Variants in CD247 observed in about 807,000 individuals in gnomAD.
CD247 encodes CD247 molecule.
Under a neutral mutation model 30.0 loss-of-function variants are expected in CD247, and 13 were observed. The observed-to-expected ratio is 0.43, with a 90% CI of 0.28 to 0.69. The LOEUF is 0.69. CD247 is among the 30% of genes least tolerant of loss of function. The pLI is 0.16. For synonymous variants in CD247, 72 were observed against 80.0 expected, an observed-to-expected ratio of 0.90 and a Z score of 0.53; for missense variants, 193 against 212.6, an observed-to-expected ratio of 0.91 and a Z score of 0.57.
At chr1:167,491,642 CA>C (rs1315851888) in intron 1 of CD247, among the ~76,000 whole-genome samples, 2 of 152,042 alleles carry the variant, frequency 1.3e-5, no homozygotes, top group African/African-American at 4.8e-5. Context: ...GAATTGAAAG[CA>C]GGGTCTTTAA....
intron 1 of CD247, among the ~76,000 whole-genome samples, chr1:167,487,161 G>A (rs370068662): frequency 1.4e-5 from 2 of 147,416 alleles, no homozygotes; most frequent in African/African-American, 2.5e-5. Context: ...TGTGGATCAC[G>A]GGGTCAGGAG....
intron 7 of CD247, among the ~76,000 whole-genome samples, chr1:167,432,517 C>T (rs554539438): frequency 6.6e-6 from 1 of 152,302 alleles, no homozygotes; most frequent in South Asian, 2.1e-4. Flanking sequence ...GTAGTTTGAC[C>T]GTGCTTAGTT....
At chr1:167,434,595 A>T in intron 5 of CD247, 1 of 362,514 alleles carries the variant, frequency 2.8e-6, no homozygotes, top group Non-Finnish European at 5.4e-6. Flanking sequence ...GGTGAGGTTG[A>T]CCTTCCTATA....
intron 1 of CD247, among the ~76,000 whole-genome samples, chr1:167,499,325 G>A (rs554513779): frequency 1.3e-5 from 2 of 152,278 alleles, no homozygotes; most frequent in African/African-American, 4.8e-5. Context: ...TAGTGCAGAG[G>A]TCGAGAAACC....
At chr1:167,465,308 T>TTCCA (rs1189206519) in intron 1 of CD247, among the ~76,000 whole-genome samples, 1 of 130,686 alleles carries the variant, frequency 7.7e-6, no homozygotes, top group Non-Finnish European at 1.8e-5. Context: ...CCTTCCACCT[T>TTCCA]CCTTTTTTTT....
In CD247 at chr1:167,439,310, C is replaced by T. The variant is rs1177099465; in HGVS notation, c.219+34G>A. 3 of 1,606,112 alleles carry T rather than the reference C, an allele frequency of 1.9e-6. No individual in the cohort carries two copies. The South Asian group carries it at 3.3e-5, about 18-fold the overall frequency. On this transcript the variant is annotated intron_variant, in intron 3 of 7. Transcript: ENST00000362089. ...TAGGTCCGAGGAGGAGGCTGCCCTT[C>T]CTTTCCGGAGGGTCTACGGCGAGGC...
intron 1 of CD247, among the ~76,000 whole-genome samples, chr1:167,467,091 G>A (rs1653290241): frequency 6.6e-6 from 1 of 152,204 alleles, no homozygotes; most frequent in Non-Finnish European, 1.5e-5. Flanking sequence ...GCCCGCCTTG[G>A]CCTCCCAAAG....
At chr1:167,463,416 G>A (rs547772432) in intron 1 of CD247, among the ~76,000 whole-genome samples, 2 of 152,298 alleles carry the variant, frequency 1.3e-5, no homozygotes, top group Admixed American at 6.5e-5. Flanking sequence ...CTCATATCTG[G>A]AAGCAGAGAC....
At chr1:167,502,514 T>A (rs1458745427) in intron 1 of CD247, among the ~76,000 whole-genome samples, 1 of 152,106 alleles carries the variant, frequency 6.6e-6, no homozygotes, top group Admixed American at 6.5e-5. Context: ...GAAACAAAGA[T>A]TAGAGTTTAG....
intron 1 of CD247, among the ~76,000 whole-genome samples, chr1:167,488,993 G>T (rs768712707): frequency 6.6e-6 from 1 of 152,176 alleles, no homozygotes; most frequent in South Asian, 2.1e-4. Context: ...TTCCCTTGCC[G>T]TTTGATTCAT....
intron 1 of CD247, among the ~76,000 whole-genome samples, chr1:167,472,553 T>C (rs896105963): frequency 1.3e-5 from 2 of 152,210 alleles, no homozygotes; most frequent in African/African-American, 4.8e-5. Flanking sequence ...ACTTTTTTTT[T>C]CAAGGGGACA....
At chr1:167,453,046 T>TATTATAGATATATATTATATATAC (rs1652443271) in intron 1 of CD247, among the ~76,000 whole-genome samples, 1 of 148,374 alleles carries the variant, frequency 6.7e-6, no homozygotes, top group African/African-American at 2.4e-5. Context: ...TATATATATA[T>TATTATAGATATATATTATATATAC]ATATTATAGA....
chr1:167,446,526 TG>T (rs1194423175), intron 1 of CD247, among the ~76,000 whole-genome samples: 3 of 152,134 alleles, frequency 2.0e-5, no homozygotes, highest in Admixed American at 1.3e-4. Context: ...GTAAAGTTTG[TG>T]GGGTGCCCTG....
rs1651260377 is a variant in CD247, at chr1:167,431,439, A to T, written c.*242T>A. The T allele has an allele frequency of 1.7e-6, 1 of 592,974 alleles. No homozygotes were observed. Among genetic ancestry groups the T allele is most frequent in the Non-Finnish European group, 3.0e-6 (1 of 332,274 alleles). The allele number at this position is 592,974 out of a possible 1,614,324, so 36.7% of individuals were successfully genotyped here. A position where few individuals can be genotyped will look rare whatever the true frequency, so the allele number is the denominator to read the frequency against. On this transcript the variant is annotated 3_prime_UTR_variant, in exon 8 of 8. Transcript: ENST00000362089. ...GCCAGGAGACAGGTCTACCTGCACC[A>T]CCGGCAAACCAGAGGGCCCAAGGCC...
intron 1 of CD247, among the ~76,000 whole-genome samples, chr1:167,442,342 C>T (rs1651880675): frequency 6.6e-6 from 1 of 152,126 alleles, no homozygotes; most frequent in East Asian, 1.9e-4. Flanking sequence ...CCTCTGGTGG[C>T]CTTTGGACCC....
chr1:167,503,746 G>T lies in CD247; in HGVS notation c.58+14662C>A, dbSNP rs561038696. Among the ~76,000 whole-genome samples, 3 of 152,302 alleles carry T rather than the reference G, an allele frequency of 2.0e-5. No individual in the cohort carries two copies. In the East Asian group the frequency reaches 5.8e-4, roughly 29 times the overall value. On this transcript the variant is annotated intron_variant, in intron 1 of 7. Coordinates refer to ENST00000362089, the MANE Select transcript of CD247 (RefSeq NM_198053.3). Reference sequence around the variant, plus strand: ...ACACATCTGAGCAGGTGGCAACAGGGTCTGCCTGGGACCAGGAACCATGGG... The same window carrying T: ...ACACATCTGAGCAGGTGGCAACAGGTTCTGCCTGGGACCAGGAACCATGGG...
At chr1:167,433,539 A>T (rs1286851460) in intron 6 of CD247, among the ~76,000 whole-genome samples, 1 of 152,068 alleles carries the variant, frequency 6.6e-6, no homozygotes, top group Admixed American at 6.5e-5. Flanking sequence ...CATGTTTCTC[A>T]TTGGGTTGTT....
intron 3 of CD247, 117 bp from the exon 4 acceptor site, chr1:167,438,767 G>C: frequency 1.3e-6 from 1 of 797,864 alleles, no homozygotes; most frequent in South Asian, 1.4e-5. Context: ...GAGGGGCAGG[G>C]GCTGGGGAGG....
intron 1 of CD247, among the ~76,000 whole-genome samples, chr1:167,471,130 C>T (rs1372254118): frequency 1.3e-5 from 2 of 152,094 alleles, no homozygotes; most frequent in Non-Finnish European, 2.9e-5. Context: ...CTCGGCTTCC[C>T]AAAGTGCTGG....
Sources: allele counts gnomAD v4.1 joint callset (sites outside exome capture counted in the v4.1 genomes callset), GRCh38; gene constraint gnomAD v4.1.1; transcripts MANE v1.5; gene names NCBI Gene and HGNC (gene_info 2026-07-23, HGNC 2026-07-21).